The following DCC variants were observed in gnomAD, a reference collection of about 807,000 sequenced individuals.
DCC encodes DCC netrin 1 receptor, also known as netrin receptor DCC.
Under a neutral mutation model 172.5 loss-of-function variants are expected in DCC, and 58 were observed. That is an observed-to-expected ratio of 0.34 (90% CI 0.27 to 0.42). The LOEUF (loss-of-function observed/expected upper bound fraction) is 0.42, where lower values mean the gene tolerates loss of function less well. Ranked by LOEUF, DCC falls within the 10% of genes least tolerant of loss-of-function variation. The pLI is 1.00. For synonymous variants in DCC, 709 were observed against 644.5 expected (o/e 1.10, Z -1.52); for missense variants, 1,740 against 1,791.0 (o/e 0.97, Z 0.51).
chr18:52,927,096 C>T (rs867139845), intron 5 of DCC, among the ~76,000 whole-genome samples: 2 of 105,244 alleles, frequency 1.9e-5, no homozygotes, highest in African/African-American at 3.8e-5. Flanking sequence ...CACGTATATA[C>T]GTGTATATAC....
chr18:52,501,946 C>T (rs2031038528), intron 1 of DCC, among the ~76,000 whole-genome samples: 1 of 152,136 alleles, frequency 6.6e-6, no homozygotes, highest in South Asian at 2.1e-4. Flanking sequence ...TTAATTCTGT[C>T]TCTCCAGGGC....
intron 12 of DCC, among the ~76,000 whole-genome samples, chr18:53,259,788 T>A (rs1005313743): frequency 6.6e-6 from 1 of 152,230 alleles, no homozygotes; most frequent in Non-Finnish European, 1.5e-5. Flanking sequence ...TTCTCCTGGA[T>A]AATATCCTGC....
chr18:52,808,817 T>C (rs1957034121), intron 2 of DCC, among the ~76,000 whole-genome samples: 1 of 152,208 alleles, frequency 6.6e-6, no homozygotes, highest in East Asian at 1.9e-4. Context: ...TTGTCAGTTT[T>C]CTATATTCTT....
chr18:53,416,254 T>C (rs1418317179), intron 21 of DCC, 98 bp downstream of exon 21: 2 of 854,696 alleles, frequency 2.3e-6, no homozygotes. Flanking sequence ...ACCTGGACCA[T>C]ACACCTGATG....
intron 1 of DCC, among the ~76,000 whole-genome samples, chr18:52,503,998 C>T (rs1349177337): frequency 6.6e-6 from 1 of 152,160 alleles, no homozygotes; most frequent in South Asian, 2.1e-4. Flanking sequence ...AAAACACCCT[C>T]TACTCTCAAC....
intron 7 of DCC, among the ~76,000 whole-genome samples, chr18:53,066,385 ATATATATATATATG>A (rs1215651005): frequency 3.7e-5 from 3 of 80,986 alleles, no homozygotes; most frequent in Non-Finnish European, 6.6e-5. Context: ...ATATATATAT[ATATATATATATATG>A]TGCATGTGTG....
chr18:53,428,302 TATAG>T (rs1911197301), intron 21 of DCC, among the ~76,000 whole-genome samples: 3 of 45,116 alleles, frequency 6.6e-5, no homozygotes, highest in South Asian at 8.7e-4. Flanking sequence ...TATAATAATA[TATAG>T]AATATAATAT....
At chr18:53,168,799 G>A (rs868281051) in intron 8 of DCC, among the ~76,000 whole-genome samples, 9 of 152,106 alleles carry the variant, frequency 5.9e-5, no homozygotes, top group African/African-American at 2.2e-4. Flanking sequence ...CCTGGGGCAG[G>A]ACGGCTCATT....
chr18:52,603,531 A>AAGTT (rs1031105843), intron 1 of DCC, among the ~76,000 whole-genome samples: 2 of 151,894 alleles, frequency 1.3e-5, no homozygotes, highest in African/African-American at 4.8e-5. Flanking sequence ...TTAACTTAAA[A>AAGTT]AGTTGAGATT....
chr18:53,426,056 C>G (rs191488364), intron 21 of DCC, among the ~76,000 whole-genome samples: 2 of 151,554 alleles, frequency 1.3e-5, no homozygotes, highest in African/African-American at 4.9e-5. Context: ...ATCCACCTCA[C>G]GGTTCTCTAC....
intron 1 of DCC, among the ~76,000 whole-genome samples, chr18:52,492,172 A>G (rs59630878): frequency 1.3e-5 from 2 of 151,984 alleles, no homozygotes; most frequent in Admixed American, 6.6e-5. Context: ...CATTAGATTT[A>G]GCAACACAAC....
intron 22 of DCC, among the ~76,000 whole-genome samples, chr18:53,439,117 A>G (rs1332055267): frequency 6.6e-6 from 1 of 152,216 alleles, no homozygotes; most frequent in African/African-American, 2.4e-5. Flanking sequence ...AGAGCCAGGG[A>G]TGGTAGAGGC....
chr18:52,364,745 C>T (rs899538788), intron 1 of DCC, among the ~76,000 whole-genome samples: 5 of 152,104 alleles, frequency 3.3e-5, no homozygotes, highest in Non-Finnish European at 5.9e-5. Flanking sequence ...TGGTTTTGCC[C>T]TTCTTAGTAT....
At chr18:52,710,779 G>T (rs1849528289) in intron 1 of DCC, among the ~76,000 whole-genome samples, 1 of 152,324 alleles carries the variant, frequency 6.6e-6, no homozygotes, top group East Asian at 1.9e-4. Context: ...CAGGTTAATA[G>T]AGTAGTATAA....
At chr18:53,442,184 C>A (rs1912319120) in intron 22 of DCC, among the ~76,000 whole-genome samples, 1 of 152,154 alleles carries the variant, frequency 6.6e-6, no homozygotes, top group Non-Finnish European at 1.5e-5. Flanking sequence ...TTTTATTGTG[C>A]TTCACATTAT....
intron 5 of DCC, among the ~76,000 whole-genome samples, chr18:53,012,729 G>A (rs2041748558): frequency 6.6e-6 from 1 of 151,758 alleles, no homozygotes; most frequent in African/African-American, 2.4e-5. Flanking sequence ...AAAATTAGAG[G>A]GTTTTTATCA....
intron 1 of DCC, among the ~76,000 whole-genome samples, chr18:52,657,419 C>A (rs983583845): frequency 6.6e-6 from 1 of 152,120 alleles, no homozygotes; most frequent in Admixed American, 6.5e-5. Context: ...TGCTGAGGGG[C>A]CCCTTAGGAG....
chr18:53,282,065 G>C (rs547288761), intron 12 of DCC, among the ~76,000 whole-genome samples: 17 of 151,902 alleles, frequency 1.1e-4, no homozygotes, highest in Non-Finnish European at 2.4e-4. Flanking sequence ...GAAACAAATG[G>C]CTTTTTTTCA....
chr18:52,836,003 C>T (rs1332750210), intron 2 of DCC, among the ~76,000 whole-genome samples: 1 of 152,138 alleles, frequency 6.6e-6, no homozygotes, highest in African/African-American at 2.4e-5. Flanking sequence ...CCTCAGGAAA[C>T]TTACAATTAT....
Sources: gnomAD v4.1 joint callset for allele counts (sites outside exome capture counted in the v4.1 genomes callset) on GRCh38, gnomAD v4.1.1 for gene constraint, MANE v1.5 for transcripts, NCBI Gene and HGNC (gene_info 2026-07-23, HGNC 2026-07-21) for gene names.